HADH: variants seen among roughly 807,000 people sequenced by gnomAD.
HADH encodes hydroxyacyl-coenzyme A dehydrogenase, mitochondrial.
HADH carries 24 observed loss-of-function variants against 32.2 expected under a neutral mutation model. The ratio of observed to expected loss-of-function variants is 0.75; its 90% confidence interval spans 0.54 to 1.05. The LOEUF is 1.05. Among genes scored for constraint, HADH ranks in the 50% least tolerant of loss-of-function variants. The pLI is 0.00. For missense variants in HADH, 350 were observed against 397.1 expected (o/e 0.88, Z 1.01); for synonymous variants, 139 against 152.5 (o/e 0.91, Z 0.65).
chr4:108,018,879 T>A (rs1182585537), intron 3 of HADH, among the ~76,000 whole-genome samples: 1 of 151,930 alleles, frequency 6.6e-6, no homozygotes, highest in Non-Finnish European at 1.5e-5. Context: ...TTGGTTTAAG[T>A]CAGTATGGAT....
At chr4:108,009,665 A>C (rs1326837640) in intron 1 of HADH, 94 bp from the exon 2 acceptor site, 1 of 997,716 alleles carries the variant, frequency 1.0e-6, no homozygotes, top group African/African-American at 1.6e-5. Context: ...TTCATGTGGA[A>C]TATGAAATGC....
At chr4:108,029,415 C>G (rs532466382) in intron 6 of HADH, 2 of 152,670 alleles carry the variant, frequency 1.3e-5, no homozygotes, top group South Asian at 4.1e-4. Flanking sequence ...GAGTAATTCA[C>G]GCTACTCATG....
intron 1 of HADH, among the ~76,000 whole-genome samples, chr4:107,998,322 C>T (rs1204854503): frequency 6.6e-6 from 1 of 152,182 alleles, no homozygotes; most frequent in Non-Finnish European, 1.5e-5. Context: ...CTCTATCACC[C>T]AGGCTAGAGT....
chr4:107,999,328 G>A (rs1007379922), intron 1 of HADH, among the ~76,000 whole-genome samples: 3 of 152,162 alleles, frequency 2.0e-5, no homozygotes, highest in African/African-American at 4.8e-5. Flanking sequence ...ATTGGGCAAC[G>A]CATAGCAACT....
chr4:108,022,879 C>T (rs1418296979), intron 4 of HADH, among the ~76,000 whole-genome samples: 1 of 152,138 alleles, frequency 6.6e-6, no homozygotes, highest in Non-Finnish European at 1.5e-5. Flanking sequence ...AGTGGTGCAA[C>T]TGAACCCAGG....
intron 1 of HADH, among the ~76,000 whole-genome samples, chr4:108,002,442 T>C (rs1476263223): frequency 6.6e-6 from 1 of 152,140 alleles, no homozygotes; most frequent in Non-Finnish European, 1.5e-5. Context: ...CATGGCACCA[T>C]CTAGATGCAG....
rs1560742088 is a variant in HADH, at chr4:108,034,312, CAAGTTCGGCAAG to C, written c.904_915del (p.Phe302_Lys305del). ...CCTTAAATAAGCTGGTAGCAGAGAA[CAAGTTCGGCAAG>C]AAGACTGGAGAAGGATTTTACAAAT... On this transcript the variant is annotated inframe_deletion, in exon 8 of 8. Transcript: ENST00000309522. The C allele has an allele frequency of 6.2e-7, 1 of 1,612,874 alleles. No individual in the cohort carries two copies. Among genetic ancestry groups the C allele is most frequent in the East Asian group, 2.2e-5 (1 of 44,872 alleles).
intron 6 of HADH, chr4:108,028,803 C>T (rs760155259): frequency 2.8e-5 from 11 of 397,820 alleles, no homozygotes; most frequent in Admixed American, 4.4e-5. Flanking sequence ...TGTGAGAGAT[C>T]CACCTTTTAA....
intron 6 of HADH, 82 bp from the exon 7 acceptor site, chr4:108,033,094 C>A: frequency 2.5e-6 from 2 of 800,128 alleles, no homozygotes; most frequent in South Asian, 2.7e-5. Flanking sequence ...ATATAAAATT[C>A]TAGTAATTCT....
intron 1 of HADH, among the ~76,000 whole-genome samples, chr4:108,008,648 G>A (rs538981885): frequency 5.3e-5 from 8 of 152,122 alleles, no homozygotes; most frequent in Non-Finnish European, 8.8e-5. Flanking sequence ...CTCTGGGCAA[G>A]TTCATTCCAG....
intron 1 of HADH, among the ~76,000 whole-genome samples, chr4:108,008,693 A>AT (rs538609226): frequency 7.3e-4 from 111 of 152,272 alleles, no homozygotes; most frequent in African/African-American, 2.6e-3. Context: ...TGTTGGTGTC[A>AT]TCGAGGTTCC....
At chr4:108,008,857 T>C (rs1324439285) in intron 1 of HADH, among the ~76,000 whole-genome samples, 2 of 152,178 alleles carry the variant, frequency 1.3e-5, no homozygotes, top group African/African-American at 4.8e-5. Context: ...GTGATCGAGG[T>C]GACCCAATGA....
chr4:108,032,530 T>A, intron 6 of HADH: 1 of 551,476 alleles, frequency 1.8e-6, no homozygotes, highest in Non-Finnish European at 3.4e-6. Context: ...TATTTATAAA[T>A]CAAAAATATG....
At chr4:108,013,377 T>A (rs1735572514) in intron 2 of HADH, among the ~76,000 whole-genome samples, 2 of 152,188 alleles carry the variant, frequency 1.3e-5, no homozygotes, top group African/African-American at 4.8e-5. Context: ...CTGCATTTTC[T>A]GCTTGTTTAC....
intron 2 of HADH, among the ~76,000 whole-genome samples, chr4:108,011,776 G>A (rs1238560491): frequency 2.0e-5 from 3 of 152,156 alleles, no homozygotes; most frequent in African/African-American, 7.2e-5. Flanking sequence ...AATGTACGAA[G>A]GTTCCAATTT....
intron 6 of HADH, chr4:108,032,341 G>A: frequency 6.2e-7 from 1 of 1,601,302 alleles, no homozygotes. Flanking sequence ...CCAAACGTGT[G>A]GTGATTCTAA....
chr4:108,023,568 G>C lies in HADH; in HGVS notation c.636+5G>C, dbSNP rs1447995144. The C allele has an allele frequency of 6.6e-7, 1 of 1,524,644 alleles. No individual in the cohort carries two copies. Among genetic ancestry groups the C allele is most frequent in the East Asian group, 2.2e-5 (1 of 44,516 alleles). The allele number at this position is 1,524,644 out of a possible 1,614,324, so 94.4% of individuals were successfully genotyped here. On this transcript the variant is annotated splice_donor_5th_base_variant and intron_variant, in intron 5 of 7. Transcript: ENST00000309522. ...AAGCATCCTGTTTCTTGCAAGGTAA[G>C]AGTATGGGTAGCTTGGGAAGGAGGT...
At chr4:108,029,632 A>G (rs974575699) in intron 6 of HADH, 5 of 152,356 alleles carry the variant, frequency 3.3e-5, no homozygotes, top group African/African-American at 7.2e-5. Flanking sequence ...GGTTTGGCCA[A>G]TGCTGCCTTG....
chr4:108,030,743 G>C (rs1354964180), intron 6 of HADH: 1 of 152,136 alleles, frequency 6.6e-6, no homozygotes, highest in Non-Finnish European at 1.5e-5. Flanking sequence ...TTATGGAAAG[G>C]GTGTCTGATT....
Sources: gnomAD v4.1 joint callset for allele counts (sites outside exome capture counted in the v4.1 genomes callset) on GRCh38, gnomAD v4.1.1 for gene constraint, MANE v1.5 for transcripts, NCBI Gene and HGNC (gene_info 2026-07-23, HGNC 2026-07-21) for gene names.